Variants in MAP2K5 observed in about 807,000 individuals in gnomAD.
MAP2K5 encodes dual specificity mitogen-activated protein kinase kinase 5.
MAP2K5 carries 49 observed loss-of-function variants against 83.1 expected under a neutral mutation model. That is an observed-to-expected ratio of 0.59 (90% CI 0.47 to 0.75). The LOEUF (loss-of-function observed/expected upper bound fraction) is 0.75. Ranked by LOEUF, MAP2K5 falls within the 30% of genes least tolerant of loss-of-function variation. The pLI is 0.00. For synonymous variants in MAP2K5, 202 were observed against 191.8 expected, an observed-to-expected ratio of 1.05 and a Z score of -0.44; for missense variants, 457 against 557.5, an observed-to-expected ratio of 0.82 and a Z score of 1.82.
rs2090257597 is a variant in MAP2K5 at position 67,777,375 on chromosome 15, A to G, written c.1242+4623A>G. Among the ~76,000 whole-genome samples, 1 of 152,164 alleles carries G rather than the reference A, an allele frequency of 6.6e-6. No individual in the cohort carries two copies. The highest frequency in any genetic ancestry group is 2.1e-4 in the South Asian group (1 of 4,822). ...CAGAAGCTTTCAGTGTCTAAGCTCT[A>G]TTTAATGGAATCTATGCATAGTAAG... On this transcript the variant is annotated intron_variant, in intron 21 of 21. Coordinates refer to ENST00000178640, the MANE Select transcript of MAP2K5 (RefSeq NM_145160.3). This position sits in a 1 kb window ranked among gnomAD's most constrained non-coding sequence, Gnocchi z 6.0.
At chr15:67,673,005 T>G (rs1313296229) in intron 13 of MAP2K5, among the ~76,000 whole-genome samples, 1 of 152,188 alleles carries the variant, frequency 6.6e-6, no homozygotes, top group Non-Finnish European at 1.5e-5. Context: ...GGCTCTGTTC[T>G]GTTCCATTGA....
chr15:67,657,005 C>T (rs746842238), intron 11 of MAP2K5, among the ~76,000 whole-genome samples: 2 of 152,104 alleles, frequency 1.3e-5, no homozygotes, highest in Admixed American at 6.5e-5. Context: ...TTATCTCTAA[C>T]GGACATGAAA....
chr15:67,602,109 A>G (rs2085671009), intron 8 of MAP2K5, among the ~76,000 whole-genome samples: 1 of 152,234 alleles, frequency 6.6e-6, no homozygotes, highest in Non-Finnish European at 1.5e-5. Context: ...TTTTGCGGCT[A>G]CTATTCTCTT....
At chr15:67,737,406 G>A (rs756600471) in intron 17 of MAP2K5, among the ~76,000 whole-genome samples, 13 of 152,184 alleles carry the variant, frequency 8.5e-5, no homozygotes, top group African/African-American at 2.9e-4. Context: ...AGACCTGGCC[G>A]AGCTTTGTTT....
Position 67,758,934 on chromosome 15 carries a change from C to T in MAP2K5, c.1134+10333C>T, listed in dbSNP as rs550564085. ...TGTGAAAGAAGACAACTTAGCATTGCAGACATGCTCAAAGGGCATACGTGT... is the reference window on the plus strand; with the variant it reads ...TGTGAAAGAAGACAACTTAGCATTGTAGACATGCTCAAAGGGCATACGTGT... On this transcript the variant is annotated intron_variant, in intron 19 of 21. Coordinates refer to ENST00000178640, the MANE Select transcript of MAP2K5 (RefSeq NM_145160.3). This position sits in a 1 kb window ranked among gnomAD's most constrained non-coding sequence, Gnocchi z 4.7. 1.3e-5 allele frequency among the ~76,000 whole-genome samples: 2 copies of T among 152,314 alleles called. No individual in the cohort carries two copies. The highest frequency in any genetic ancestry group is 1.3e-4 in the Admixed American group (2 of 15,308).
At chr15:67,632,942 A>G (rs1289129412) in intron 9 of MAP2K5, among the ~76,000 whole-genome samples, 1 of 152,210 alleles carries the variant, frequency 6.6e-6, no homozygotes, top group Non-Finnish European at 1.5e-5. Context: ...GTGAGGGGGT[A>G]CAACAGAGCT....
intron 5 of MAP2K5, among the ~76,000 whole-genome samples, chr15:67,586,195 G>T (rs2085286384): frequency 6.6e-6 from 1 of 152,052 alleles, no homozygotes; most frequent in South Asian, 2.1e-4. Flanking sequence ...CTAGGTGCTG[G>T]TATCTACAAA....
intron 11 of MAP2K5, among the ~76,000 whole-genome samples, chr15:67,646,855 T>C (rs2086843821): frequency 6.6e-6 from 1 of 152,230 alleles, no homozygotes; most frequent in Non-Finnish European, 1.5e-5. Flanking sequence ...TCCTGTGTCT[T>C]TCAGAAAGAA....
intron 4 of MAP2K5, 38 bp downstream of exon 4, chr15:67,580,861 C>T (rs774701978): frequency 6.1e-6 from 8 of 1,305,954 alleles, no homozygotes; most frequent in Middle Eastern, 2.1e-4. Context: ...ATGATTATTT[C>T]AGTAAACTGT....
rs867472155 is a variant in MAP2K5 at position 67,747,295 on chromosome 15, G to T, written c.1075-936G>T. 1.3e-5 allele frequency among the ~76,000 whole-genome samples: 2 copies of T among 152,120 alleles called. No individual in the cohort carries two copies. Among genetic ancestry groups the T allele is most frequent in the Admixed American group, 6.5e-5 (1 of 15,288 alleles). ...ATTACTAGTTTCCCTGTATTTTACC[G>T]GCTGGTTGGAGCCCAGTTATCTCAG... is the stretch of plus-strand genomic sequence containing the variant. On this transcript the variant is annotated intron_variant, in intron 17 of 21. Transcript: ENST00000178640. This position sits in a 1 kb window ranked among gnomAD's most constrained non-coding sequence, Gnocchi z 4.1.
In MAP2K5 at chr15:67,563,468, A is replaced by T; in HGVS notation, c.252+118A>T. The T allele has an allele frequency of 2.3e-6, 3 of 1,314,582 alleles. No homozygotes were observed. Among genetic ancestry groups the T allele is most frequent in the Non-Finnish European group, 3.1e-6 (3 of 976,390 alleles). 81.4% of individuals were successfully genotyped at this position (1,314,582 alleles called of 1,614,324 possible). The stretch of plus-strand genomic sequence containing the variant: ...ACAGTTGTCATACATTTTTCTATAT[A>T]ATAGGTAAAGGTTTCAAGGATTTCC... On this transcript the variant is annotated intron_variant, in intron 3 of 21. Transcript: ENST00000178640. The surrounding 1 kb of genome is among the most constrained non-coding windows in gnomAD (Gnocchi z 4.5).
At chr15:67,575,925 T>TCTTTCTTTCTTTCTTTCTTTC (rs1352481846) in intron 3 of MAP2K5, among the ~76,000 whole-genome samples, 2 of 146,080 alleles carry the variant, frequency 1.4e-5, no homozygotes, top group African/African-American at 5.1e-5. Context: ...TCTTTTTTTT[T>TCTTTCTTTCTTTCTTTCTTTC]TTTTTTTTTT....
At chr15:67,567,566 T>C (rs1447008263) in intron 3 of MAP2K5, among the ~76,000 whole-genome samples, 1 of 151,974 alleles carries the variant, frequency 6.6e-6, no homozygotes. Context: ...GGGTTTCACC[T>C]TGTTAGCCGG....
Position 67,733,110 on chromosome 15 carries a change from TA to T in MAP2K5, c.1074+5167del, listed in dbSNP as rs545316236. ...TTGTCATTGATTAGAAAAGAGCCTTTAATTTCATTTCACCCCATGTTGTGAT... is the reference window on the plus strand; with the variant it reads ...TTGTCATTGATTAGAAAAGAGCCTTTATTTCATTTCACCCCATGTTGTGAT... On this transcript the variant is annotated intron_variant, in intron 17 of 21. Coordinates refer to ENST00000178640, the MANE Select transcript of MAP2K5 (RefSeq NM_145160.3). Among the ~76,000 whole-genome samples, 18 of 152,322 alleles carry T rather than the reference TA, an allele frequency of 1.2e-4. No homozygotes were observed. In the South Asian group the frequency reaches 3.7e-3, roughly 32 times the overall value.
intron 17 of MAP2K5, among the ~76,000 whole-genome samples, chr15:67,733,822 C>G (rs1462771151): frequency 6.6e-6 from 1 of 152,176 alleles, no homozygotes; most frequent in African/African-American, 2.4e-5. Context: ...ACGACTGGCA[C>G]CTTCCATAGA....
At chr15:67,686,116 G>A (rs1343238852) in intron 13 of MAP2K5, among the ~76,000 whole-genome samples, 2 of 152,102 alleles carry the variant, frequency 1.3e-5, no homozygotes, top group Non-Finnish European at 2.9e-5. Context: ...GACAGATGGG[G>A]CAAATAGATG....
intron 3 of MAP2K5, 64 bp from the exon 4 acceptor site, chr15:67,580,690 C>A: frequency 9.9e-7 from 1 of 1,009,500 alleles, no homozygotes; most frequent in Non-Finnish European, 1.6e-6. Flanking sequence ...ATTAAACAAC[C>A]CATAAGTGTC....
rs55930868 is a variant in MAP2K5, at chr15:67,703,393, A to G, written c.1029A>G (p.Gly343=). The G allele has an allele frequency of 5.0e-5, 81 of 1,613,394 alleles. No homozygotes were observed. Among genetic ancestry groups the G allele is most frequent in the Non-Finnish European group, 6.8e-5 (80 of 1,179,542 alleles). Residue 343 remains glycine, a synonymous_variant, in exon 16 of 22, where the codon GGA becomes GGG. Transcript: ENST00000178640. The part of the protein sequence containing the change: ...YGIHSDVWSL[G]ISFMELALGR... ...TTCATTCTGATGTCTGGAGCTTAGGAATCTCTTTTATGGAGGTACGTTGTT... is the reference window on the plus strand; with the variant it reads ...TTCATTCTGATGTCTGGAGCTTAGGGATCTCTTTTATGGAGGTACGTTGTT...
chr15:67,761,760 T>G (rs12708496), intron 19 of MAP2K5, among the ~76,000 whole-genome samples: 3 of 151,912 alleles, frequency 2.0e-5, no homozygotes, highest in African/African-American at 7.3e-5. Context: ...TTTTTTTTCA[T>G]TTAGGCACCT....
Sources: allele counts gnomAD v4.1 joint callset (sites outside exome capture counted in the v4.1 genomes callset), GRCh38; gene constraint gnomAD v4.1.1; non-coding constraint Gnocchi (gnomAD v3.1); transcripts MANE v1.5; gene names NCBI Gene and HGNC (gene_info 2026-07-23, HGNC 2026-07-21).